The following DLG2 variants were observed in gnomAD, a reference collection of about 807,000 sequenced individuals.
DLG2 encodes the protein discs large MAGUK scaffold protein 2, also known as disks large homolog 2.
In DLG2, 45 loss-of-function variants were observed where a neutral mutation model predicts 132.5. That is an observed-to-expected ratio of 0.34 (90% CI 0.27 to 0.44). DLG2 has a LOEUF of 0.44. Ranked by LOEUF, DLG2 falls within the 20% of genes least tolerant of loss-of-function variation. The probability of loss-of-function intolerance (pLI) is 1.00; values close to 1 mark genes in which losing one functional copy is unlikely to be tolerated. For missense variants in DLG2, 1,045 were observed against 1,196.9 expected (o/e 0.87, Z 1.87); for synonymous variants, 424 against 419.6 (o/e 1.01, Z -0.13).
chr11:85,499,692 C>G (rs2093751256), intron 3 of DLG2, among the ~76,000 whole-genome samples: 1 of 152,160 alleles, frequency 6.6e-6, no homozygotes, highest in Admixed American at 6.5e-5. Context: ...ACGTGAAAAT[C>G]CTCAATAAAA....
chr11:84,036,091 G>T (rs190630170), intron 11 of DLG2, among the ~76,000 whole-genome samples: 6 of 152,230 alleles, frequency 3.9e-5, no homozygotes, highest in African/African-American at 1.2e-4. Flanking sequence ...TAAGCATAGG[G>T]ATGGAACTTA....
At chr11:85,467,500 T>C (rs2092831381) in intron 3 of DLG2, among the ~76,000 whole-genome samples, 1 of 152,198 alleles carries the variant, frequency 6.6e-6, no homozygotes, top group Non-Finnish European at 1.5e-5. Flanking sequence ...ACCTAATTTA[T>C]TGGGAGTTTT....
At chr11:85,309,203 C>T (rs2080159504) in intron 3 of DLG2, among the ~76,000 whole-genome samples, 1 of 151,972 alleles carries the variant, frequency 6.6e-6, no homozygotes, top group Non-Finnish European at 1.5e-5. Flanking sequence ...ACATATCAAT[C>T]CACCTGCAAA....
intron 6 of DLG2, among the ~76,000 whole-genome samples, chr11:84,749,482 T>C (rs1391971132): frequency 6.6e-6 from 1 of 152,166 alleles, no homozygotes; most frequent in African/African-American, 2.4e-5. Flanking sequence ...TGTTTAGGTA[T>C]ATAAATAACA....
intron 6 of DLG2, among the ~76,000 whole-genome samples, chr11:84,620,031 A>C (rs2099611137): frequency 6.6e-6 from 1 of 151,668 alleles, no homozygotes; most frequent in African/African-American, 2.4e-5. Flanking sequence ...TTGATCTAGT[A>C]GACCCATTTT....
intron 4 of DLG2, among the ~76,000 whole-genome samples, chr11:85,157,803 G>T (rs1012329076): frequency 6.6e-5 from 10 of 152,152 alleles, no homozygotes; most frequent in African/African-American, 2.4e-4. Context: ...GGCAATGTTT[G>T]GGAGGTCTCT....
intron 10 of DLG2, among the ~76,000 whole-genome samples, chr11:84,079,059 A>G (rs1007887781): frequency 6.6e-6 from 1 of 152,116 alleles, no homozygotes; most frequent in African/African-American, 2.4e-5. Flanking sequence ...TATACTCAGC[A>G]CCTGATATGG....
At chr11:84,923,595 G>A (rs2092865593) in intron 6 of DLG2, 1 of 991,058 alleles carries the variant, frequency 1.0e-6, no homozygotes, top group Non-Finnish European at 1.2e-6. Flanking sequence ...TAAATGAAGA[G>A]GAAACCCTTC....
chr11:83,633,743 A>C (rs1053814588), intron 18 of DLG2, among the ~76,000 whole-genome samples: 1 of 143,202 alleles, frequency 7.0e-6, no homozygotes, highest in Non-Finnish European at 1.5e-5. Context: ...CACAGAACTA[A>C]ACACACACAC....
chr11:83,947,261 G>T (rs1372935144), intron 14 of DLG2, among the ~76,000 whole-genome samples: 1 of 151,964 alleles, frequency 6.6e-6, no homozygotes, highest in East Asian at 1.9e-4. Context: ...GTTTTTAAAT[G>T]AATAATCAGT....
rs542164075 is a variant in DLG2, at chr11:83,551,510, AG to A, written c.1941-9653del. ...CTTAGTACCATCATAGCAGCTCATC[AG>A]GGTAAGTAATGACATTTACACACCA... On this transcript the variant is annotated intron_variant, in intron 19 of 27. Transcript: ENST00000376104. 1.6e-4 allele frequency among the ~76,000 whole-genome samples: 25 copies of A among 152,340 alleles called. No individual in the cohort carries two copies. In the East Asian group the frequency reaches 4.8e-3, roughly 29 times the overall value.
intron 17 of DLG2, among the ~76,000 whole-genome samples, chr11:83,824,160 A>G (rs895603608): frequency 1.6e-4 from 25 of 152,278 alleles, no homozygotes; most frequent in African/African-American, 5.3e-4. Flanking sequence ...CATATATTCA[A>G]TAAAGGTTAG....
intron 6 of DLG2, among the ~76,000 whole-genome samples, chr11:84,764,745 T>C (rs1276121053): frequency 6.6e-6 from 1 of 152,066 alleles, no homozygotes; most frequent in East Asian, 1.9e-4. Context: ...TATTCAAAAA[T>C]TATATTTTGA....
intron 7 of DLG2, among the ~76,000 whole-genome samples, chr11:84,526,457 G>A (rs1001262428): frequency 6.6e-6 from 1 of 152,050 alleles, no homozygotes; most frequent in African/African-American, 2.4e-5. Context: ...CAAACCTAGA[G>A]GAAAGAACAT....
intron 18 of DLG2, among the ~76,000 whole-genome samples, chr11:83,743,252 T>C (rs974796719): frequency 6.6e-5 from 10 of 152,062 alleles, no homozygotes; most frequent in Non-Finnish European, 1.5e-4. Context: ...TCTAGCACCC[T>C]TGTCTCTTCC....
chr11:85,275,303 GA>G (rs1012564586), intron 4 of DLG2, among the ~76,000 whole-genome samples: 2 of 151,992 alleles, frequency 1.3e-5, no homozygotes, highest in African/African-American at 4.8e-5. Context: ...TTATATTCAT[GA>G]ATTTATTTTT....
intron 16 of DLG2, among the ~76,000 whole-genome samples, chr11:83,872,831 T>C (rs955680926): frequency 6.6e-6 from 1 of 152,166 alleles, no homozygotes; most frequent in African/African-American, 2.4e-5. Flanking sequence ...AGAGAGGTCT[T>C]CAAAAGGAAT....
At chr11:85,308,443 T>C (rs1451837311) in intron 3 of DLG2, among the ~76,000 whole-genome samples, 1 of 152,160 alleles carries the variant, frequency 6.6e-6, no homozygotes, top group Non-Finnish European at 1.5e-5. Flanking sequence ...AATGTGAGGC[T>C]CTGGCAGAAA....
chr11:85,188,143 A>G (rs1433108986), intron 4 of DLG2, among the ~76,000 whole-genome samples: 1 of 152,166 alleles, frequency 6.6e-6, no homozygotes, highest in Non-Finnish European at 1.5e-5. Flanking sequence ...AAACTACTTG[A>G]ACTATGAATG....
Sources: allele counts gnomAD v4.1 joint callset (sites outside exome capture counted in the v4.1 genomes callset), GRCh38; gene constraint gnomAD v4.1.1; transcripts MANE v1.5; gene names NCBI Gene and HGNC (gene_info 2026-07-23, HGNC 2026-07-21).